The following BTBD7 variants were observed in gnomAD, a reference collection of about 807,000 sequenced individuals.
BTBD7 encodes the protein BTB/POZ domain-containing protein 7.
In BTBD7, 38 loss-of-function variants were observed where a neutral mutation model predicts 99.9. The observed-to-expected ratio is 0.38, with a 90% CI of 0.29 to 0.50. BTBD7 has a LOEUF of 0.50. Among genes scored for constraint, BTBD7 ranks in the 20% least tolerant of loss-of-function variants. BTBD7 has a pLI of 0.93. For missense variants in BTBD7, 1,170 were observed against 1,394.6 expected (o/e 0.84, Z 2.57); for synonymous variants, 520 against 511.4 (o/e 1.02, Z -0.23).
chr14:93,331,013 T>C (rs2053396243), intron 1 of BTBD7, among the ~76,000 whole-genome samples: 1 of 152,138 alleles, frequency 6.6e-6, no homozygotes, highest in Non-Finnish European at 1.5e-5. Flanking sequence ...CATGCAAGAA[T>C]GAGCCATGCT....
chr14:93,306,611 A>G (rs2053073514), intron 1 of BTBD7, among the ~76,000 whole-genome samples: 1 of 152,206 alleles, frequency 6.6e-6, no homozygotes. Flanking sequence ...CTTTTAAATG[A>G]GGATATTATT....
intron 1 of BTBD7, among the ~76,000 whole-genome samples, chr14:93,301,263 C>G (rs1210949521): frequency 6.6e-6 from 1 of 151,884 alleles, no homozygotes; most frequent in Non-Finnish European, 1.5e-5. Flanking sequence ...GCGATCTCAG[C>G]TCACTGCAAC....
In BTBD7 at chr14:93,239,163, C is replaced by G. The variant is rs1225371204; in HGVS notation, c.*3110G>C. 2.0e-5 allele frequency: 3 copies of G among 152,470 alleles called. No individual in the cohort carries two copies. Among genetic ancestry groups the G allele is most frequent in the African/African-American group, 7.2e-5 (3 of 41,442 alleles). 9.4% of individuals were successfully genotyped at this position (152,470 alleles called of 1,614,324 possible). On this transcript the variant is annotated 3_prime_UTR_variant, in exon 11 of 11. Coordinates refer to ENST00000334746, the MANE Select transcript of BTBD7 (RefSeq NM_001002860.4). ...TTTTCCTTAGGAGCCACGGGTGACT[C>G]TGAACTTCAATTATTCATCAAAATC...
chr14:93,325,073 A>G (rs911961872), intron 1 of BTBD7, among the ~76,000 whole-genome samples: 2 of 151,668 alleles, frequency 1.3e-5, no homozygotes, highest in African/African-American at 2.4e-5. Context: ...GAAGTTAACA[A>G]AGGTATTTTA....
chr14:93,328,833 G>A (rs577903648), intron 1 of BTBD7, among the ~76,000 whole-genome samples: 2 of 152,054 alleles, frequency 1.3e-5, no homozygotes, highest in African/African-American at 4.8e-5. Flanking sequence ...TGTGAGGGCT[G>A]TTTGAGACCA....
chr14:93,319,336 A>G (rs531027274), intron 1 of BTBD7, among the ~76,000 whole-genome samples: 3 of 152,368 alleles, frequency 2.0e-5, no homozygotes, highest in African/African-American at 4.8e-5. Flanking sequence ...TTAACAATTA[A>G]TAGATATCAC....
chr14:93,288,496 G>A (rs761709242), intron 3 of BTBD7: 5 of 758,446 alleles, frequency 6.6e-6, no homozygotes, highest in African/African-American at 1.7e-5. Flanking sequence ...TTTATATAAG[G>A]ATATTTTGAT....
chr14:93,328,436 C>T (rs1656190422), intron 1 of BTBD7, among the ~76,000 whole-genome samples: 1 of 151,952 alleles, frequency 6.6e-6, no homozygotes, highest in African/African-American at 2.4e-5. Context: ...ATAGAATACA[C>T]AGCCCAGAAA....
intron 3 of BTBD7, among the ~76,000 whole-genome samples, chr14:93,277,268 T>C (rs1244033817): frequency 6.6e-6 from 1 of 152,174 alleles, no homozygotes; most frequent in Non-Finnish European, 1.5e-5. Flanking sequence ...ACTTCATAAA[T>C]TAGTGTTATC....
intron 1 of BTBD7, among the ~76,000 whole-genome samples, chr14:93,329,899 A>G (rs901313378): frequency 2.0e-5 from 3 of 152,206 alleles, no homozygotes; most frequent in African/African-American, 7.2e-5. Context: ...CTACACAACA[A>G]TGTAAATGTA....
At chr14:93,258,155 A>G (rs1199391132) in intron 5 of BTBD7, among the ~76,000 whole-genome samples, 5 of 151,794 alleles carry the variant, frequency 3.3e-5, no homozygotes, top group African/African-American at 1.2e-4. Flanking sequence ...GAAATGCTGG[A>G]TTTTTTTCAA....
At chr14:93,325,917 T>C (rs1168629837) in intron 1 of BTBD7, among the ~76,000 whole-genome samples, 3 of 152,238 alleles carry the variant, frequency 2.0e-5, no homozygotes, top group African/African-American at 7.2e-5. Flanking sequence ...GACATGGATT[T>C]AATGTCAATT....
chr14:93,289,179 T>C (rs1213219241), intron 3 of BTBD7, among the ~76,000 whole-genome samples: 2 of 152,190 alleles, frequency 1.3e-5, no homozygotes, highest in African/African-American at 2.4e-5. Flanking sequence ...GATGCATGAA[T>C]ACAATCCATG....
At chr14:93,282,624 C>G (rs2139743356) in intron 3 of BTBD7, among the ~76,000 whole-genome samples, 1 of 152,294 alleles carries the variant, frequency 6.6e-6, no homozygotes, top group South Asian at 2.1e-4. Flanking sequence ...AGCCACCGCA[C>G]CCGGCCTATG....
chr14:93,328,694 C>A (rs1218042618), intron 1 of BTBD7, among the ~76,000 whole-genome samples: 1 of 150,076 alleles, frequency 6.7e-6, no homozygotes, highest in Admixed American at 6.6e-5. Flanking sequence ...GGCGGGAGGA[C>A]CACTTGAGTC....
intron 8 of BTBD7, 29 bp from the exon 9 acceptor site, chr14:93,248,683 A>C (rs771249835): frequency 3.2e-6 from 5 of 1,559,610 alleles, no homozygotes; most frequent in Admixed American, 1.9e-5. Context: ...TGGGCAAGCA[A>C]AATTCCTGAG....
intron 1 of BTBD7, among the ~76,000 whole-genome samples, chr14:93,327,539 A>G (rs2053347365): frequency 6.6e-6 from 1 of 152,228 alleles, no homozygotes; most frequent in Non-Finnish European, 1.5e-5. Flanking sequence ...ACCAGGCTAG[A>G]AATTCTTTCT....
chr14:93,302,258 T>C (rs1448461731), intron 1 of BTBD7, among the ~76,000 whole-genome samples: 1 of 152,138 alleles, frequency 6.6e-6, no homozygotes, highest in Non-Finnish European at 1.5e-5. Context: ...GCTATTTTCT[T>C]TGTATGACTA....
At chr14:93,311,332 C>T (rs919648941) in intron 1 of BTBD7, among the ~76,000 whole-genome samples, 4 of 152,100 alleles carry the variant, frequency 2.6e-5, no homozygotes, top group Admixed American at 2.6e-4. Flanking sequence ...TTATTCCAGG[C>T]ATATCTTGTA....
Sources: gnomAD v4.1 joint callset for allele counts (sites outside exome capture counted in the v4.1 genomes callset) on GRCh38, gnomAD v4.1.1 for gene constraint, MANE v1.5 for transcripts, NCBI Gene and HGNC (gene_info 2026-07-23, HGNC 2026-07-21) for gene names.